Variants in PLEKHB1 observed in about 807,000 individuals in gnomAD.
PLEKHB1 encodes pleckstrin homology domain containing B1, also known as pleckstrin homology domain-containing family B member 1.
PLEKHB1 carries 29 observed loss-of-function variants against 36.2 expected under a neutral mutation model. The ratio of observed to expected loss-of-function variants is 0.80; its 90% CI spans 0.60 to 1.09. The LOEUF is 1.09. PLEKHB1 is among the 50% of genes least tolerant of loss of function. The pLI is 0.00. For missense variants in PLEKHB1, 330 were observed against 348.2 expected (o/e 0.95, Z 0.42); for synonymous variants, 138 against 140.0 (o/e 0.99, Z 0.10).
At chr11:73,659,980 T>C (rs1346433620) in intron 6 of PLEKHB1, among the ~76,000 whole-genome samples, 1 of 152,206 alleles carries the variant, frequency 6.6e-6, no homozygotes, top group Admixed American at 6.5e-5. Flanking sequence ...TTCCATAAGA[T>C]TATAATGGAG....
Position 73,660,807 on chromosome 11 carries a change from C to T in PLEKHB1, c.550C>T (p.His184Tyr). The change falls in exon 7 of 8, where the codon CAC (histidine) becomes TAC (tyrosine). Residue 184 changes from histidine (H) to tyrosine (Y), a missense_variant. Coordinates refer to ENST00000354190, the MANE Select transcript of PLEKHB1 (RefSeq NM_021200.3). ...CTACGAGGTGGTGCCCCCCAATGCA[C>T]ACGAGGCCACGTATGTCCGCAGCTA... ...DYYEVVPPNAHEATYVRSYYG... is the reference protein window; with the variant it reads ...DYYEVVPPNAYEATYVRSYYG... The T allele has an allele frequency of 6.2e-7, 1 of 1,602,630 alleles. No individual in the cohort carries two copies. The highest frequency in any genetic ancestry group is 8.5e-7 in the Non-Finnish European group (1 of 1,175,654).
rs770799304 is a variant in PLEKHB1, at chr11:73,649,084, CAG to C, written c.94_94+1del. Reference sequence around the variant, plus strand: ...GGTGAGGGGCGGCTGGCTGTGGAGACAGAGTGAGTGATCCTGGGCCCCTGGTC... The same window carrying C: ...GGTGAGGGGCGGCTGGCTGTGGAGACAGTGAGTGATCCTGGGCCCCTGGTC... ...ALVRGGWLWR[Q>X]SSILRRWKRN... On this transcript the variant is annotated frameshift_variant and splice_region_variant, in exon 2 of 8. Coordinates refer to ENST00000354190, the MANE Select transcript of PLEKHB1 (RefSeq NM_021200.3). LOFTEE classifies it high-confidence loss of function. 8 of 1,595,522 alleles carry C rather than the reference CAG, an allele frequency of 5.0e-6. No individual in the cohort carries two copies. The African/African-American group carries it at 1.1e-4, about 21-fold the overall frequency.
At chr11:73,647,999 A>G (rs1316908461) in intron 1 of PLEKHB1, 2 of 985,016 alleles carry the variant, frequency 2.0e-6, no homozygotes, top group African/African-American at 3.5e-5. Flanking sequence ...CATCATGTAC[A>G]TGGATGAGTC....
intron 6 of PLEKHB1, among the ~76,000 whole-genome samples, chr11:73,659,698 G>A (rs1043419339): frequency 1.1e-4 from 16 of 152,190 alleles, no homozygotes; most frequent in South Asian, 1.0e-3. Flanking sequence ...GTGGGTGACC[G>A]TTGAGCTAGG....
intron 6 of PLEKHB1, among the ~76,000 whole-genome samples, chr11:73,659,904 T>C (rs561223685): frequency 6.6e-6 from 1 of 152,322 alleles, no homozygotes; most frequent in African/African-American, 2.4e-5. Context: ...AGGTGCTCAA[T>C]AATCGTTACA....
intron 6 of PLEKHB1, among the ~76,000 whole-genome samples, chr11:73,657,638 G>A (rs950377974): frequency 3.9e-5 from 6 of 152,166 alleles, no homozygotes; most frequent in African/African-American, 1.4e-4. Flanking sequence ...GCCCTCGAGG[G>A]ATATGGGGTG....
At chr11:73,647,943 C>T in intron 1 of PLEKHB1, 5 of 985,450 alleles carry the variant, frequency 5.1e-6, no homozygotes, top group South Asian at 4.7e-5. Context: ...GCAAGTGAGT[C>T]GCCCTCAGGA....
At position 73,651,804 on chromosome 11, in the gene PLEKHB1, G is replaced by C. The variant is rs113230147; in HGVS notation, c.264G>C (p.Glu88Asp). The change falls in exon 4 of 8, where the codon GAG becomes GAC. Residue 88 changes from glutamate (E) to aspartate (D), a missense_variant. Transcript: ENST00000354190. ...TGCTTCCAGATGTGCAGCCCCCAGAGGGCCGGAGCCGAGATGGCCTGCTGA... is the reference window on the plus strand; with the variant it reads ...TGCTTCCAGATGTGCAGCCCCCAGACGGCCGGAGCCGAGATGGCCTGCTGA... ...GPECHDVQPP[E>D]GRSRDGLLTV... The C allele has an allele frequency of 1.2e-6, 2 of 1,613,606 alleles. No individual in the cohort carries two copies. Among genetic ancestry groups the C allele is most frequent in the East Asian group, 2.2e-5 (1 of 44,882 alleles).
At chr11:73,648,191 C>T (rs1784499) in intron 1 of PLEKHB1, 16,984 of 160,028 alleles carry the variant, frequency 0.11, 3,096 homozygotes, top group African/African-American at 0.38. Flanking sequence ...CTCAGACATT[C>T]TGATTTAATT....
At chr11:73,655,741 G>T in intron 5 of PLEKHB1, 62 bp from the exon 6 acceptor site, 1 of 1,444,422 alleles carries the variant, frequency 6.9e-7, no homozygotes, top group Non-Finnish European at 9.7e-7. Context: ...CTCTTTAGGT[G>T]TAGAGGGCCT....
At chr11:73,653,096 T>C (rs1944930327) in intron 5 of PLEKHB1, 82 bp downstream of exon 5, 2 of 1,397,960 alleles carry the variant, frequency 1.4e-6, no homozygotes, top group South Asian at 1.3e-5. Context: ...GGTCTCCACC[T>C]GCCAGAAGTT....
intron 6 of PLEKHB1, among the ~76,000 whole-genome samples, chr11:73,657,679 C>T (rs1220573621): frequency 6.6e-6 from 1 of 152,216 alleles, no homozygotes; most frequent in Non-Finnish European, 1.5e-5. Flanking sequence ...CCCAAGGCCA[C>T]TGGCTCACTG....
At chr11:73,659,612 G>A (rs1423612101) in intron 6 of PLEKHB1, among the ~76,000 whole-genome samples, 1 of 151,054 alleles carries the variant, frequency 6.6e-6, no homozygotes, top group African/African-American at 2.4e-5. Flanking sequence ...ATAGCAACAA[G>A]AGGCACAAGC....
At chr11:73,660,562 T>G in intron 6 of PLEKHB1, 191 bp from the exon 7 acceptor site, 1 of 592,532 alleles carries the variant, frequency 1.7e-6, no homozygotes, top group Non-Finnish European at 3.0e-6. Flanking sequence ...AGGGCAGAAG[T>G]TTTAGAGGAC....
intron 6 of PLEKHB1, among the ~76,000 whole-genome samples, chr11:73,656,878 C>G (rs570796155): frequency 3.6e-4 from 55 of 152,220 alleles, no homozygotes; most frequent in Non-Finnish European, 6.2e-4. Flanking sequence ...CCTGGCCAGG[C>G]CTGGTGGCTG....
intron 1 of PLEKHB1, 82 bp downstream of exon 1, chr11:73,646,708 CT>C: frequency 7.0e-7 from 1 of 1,431,882 alleles, no homozygotes; most frequent in Non-Finnish European, 9.6e-7. Context: ...GGACAGAAGT[CT>C]TTTAGGCCCT....
In PLEKHB1 at chr11:73,650,600, G is replaced by A. The variant is rs1481829276; in HGVS notation, c.142G>A (p.Asp48Asn). The A allele has an allele frequency of 1.9e-6, 3 of 1,613,174 alleles. No individual in the cohort carries two copies. Among genetic ancestry groups the A allele is most frequent in the Admixed American group, 1.7e-5 (1 of 59,906 alleles). Residue 48 changes from aspartate (D) to asparagine (N), a missense_variant, in exon 3 of 8, where the codon GAC becomes AAC. Physicochemically the swap from Asp to Asn is conservative, Grantham distance 23. Transcript: ENST00000354190. ...WKRNWFALWLDGTLGYYHDET... is the reference protein window; with the variant it reads ...WKRNWFALWLNGTLGYYHDET... Reference sequence around the variant, plus strand: ...GCGGAACTGGTTTGCCCTGTGGCTGGACGGGACCCTGGGATACTACCACGA... The same window carrying A: ...GCGGAACTGGTTTGCCCTGTGGCTGAACGGGACCCTGGGATACTACCACGA...
intron 4 of PLEKHB1, chr11:73,652,744 TG>T (rs1944920565): frequency 2.1e-6 from 1 of 478,738 alleles, no homozygotes; most frequent in Non-Finnish European, 3.7e-6. Context: ...ATGAGGAAAC[TG>T]GAACTTCTAG....
At chr11:73,650,095 G>A (rs1409733910) in intron 2 of PLEKHB1, among the ~76,000 whole-genome samples, 4 of 152,070 alleles carry the variant, frequency 2.6e-5, no homozygotes, top group African/African-American at 9.7e-5. Context: ...CGTGCCTGAT[G>A]TTCCAGCTAT....
Sources: allele counts gnomAD v4.1 joint callset (sites outside exome capture counted in the v4.1 genomes callset), GRCh38; gene constraint gnomAD v4.1.1; transcripts MANE v1.5; gene names NCBI Gene and HGNC (gene_info 2026-07-23, HGNC 2026-07-21).